JAK2: variants seen among roughly 807,000 people sequenced by gnomAD.
The protein encoded by JAK2 is Janus kinase 2.
In JAK2, 86 loss-of-function variants were observed where a neutral mutation model predicts 139.3. The observed-to-expected ratio is 0.62, with a 90% CI of 0.52 to 0.74. JAK2 has a LOEUF of 0.74. Ranked by LOEUF, JAK2 falls within the 30% of genes least tolerant of loss-of-function variation. JAK2 has a pLI of 0.00. For synonymous variants in JAK2, 490 were observed against 437.7 expected (o/e 1.12, Z -1.49); for missense variants, 1,421 against 1,360.3 (o/e 1.04, Z -0.70).
chr9:5,003,637 A>T (rs1821073564), intron 2 of JAK2, among the ~76,000 whole-genome samples: 1 of 152,084 alleles, frequency 6.6e-6, no homozygotes, highest in East Asian at 1.9e-4. Context: ...ATATACAGAC[A>T]TGTCCTCTAT....
chr9:5,005,083 A>ATTTTTTTT (rs527982744), intron 2 of JAK2, among the ~76,000 whole-genome samples: 1 of 40,034 alleles, frequency 2.5e-5, no homozygotes, highest in Non-Finnish European at 4.5e-5. Flanking sequence ...TGCCTGGCTA[A>ATTTTTTTT]TTTTTTTTTT....
intron 22 of JAK2, chr9:5,100,858 A>G (rs1198459635): frequency 6.6e-6 from 1 of 152,264 alleles, no homozygotes; most frequent in Non-Finnish European, 1.5e-5. Flanking sequence ...ATTTCATGTT[A>G]TTACTGGATC....
chr9:5,068,359 TA>T (rs1482015275), intron 10 of JAK2, among the ~76,000 whole-genome samples: 2 of 152,126 alleles, frequency 1.3e-5, no homozygotes, highest in East Asian at 3.8e-4. Flanking sequence ...TGCAAAATAT[TA>T]AAAATGTAAT....
chr9:4,989,200 C>G (rs1178519789), intron 2 of JAK2, among the ~76,000 whole-genome samples: 3 of 152,192 alleles, frequency 2.0e-5, no homozygotes, highest in Non-Finnish European at 2.9e-5. Flanking sequence ...CTAAGGATCT[C>G]TAGTCCTTAA....
At chr9:5,011,451 A>C (rs1349851179) in intron 2 of JAK2, among the ~76,000 whole-genome samples, 2 of 152,180 alleles carry the variant, frequency 1.3e-5, no homozygotes, top group African/African-American at 4.8e-5. Flanking sequence ...TGGCCTCCCA[A>C]AATGTTGGGA....
chr9:5,061,844 G>C (rs1369789847), intron 8 of JAK2, among the ~76,000 whole-genome samples: 3 of 152,028 alleles, frequency 2.0e-5, no homozygotes, highest in Admixed American at 2.0e-4. Flanking sequence ...TCTAGCTTTT[G>C]ATTTAAAGTG....
chr9:5,025,961 C>T (rs1822758016), intron 3 of JAK2, among the ~76,000 whole-genome samples: 1 of 152,208 alleles, frequency 6.6e-6, no homozygotes, highest in South Asian at 2.1e-4. Context: ...TCTTTGTCTT[C>T]ATAACTTATA....
chr9:5,080,975 A>G (rs1819656912), intron 18 of JAK2, among the ~76,000 whole-genome samples: 1 of 143,718 alleles, frequency 7.0e-6, no homozygotes, highest in Non-Finnish European at 1.5e-5. Flanking sequence ...GGCTCACTGC[A>G]AGCTCCACCT....
At chr9:5,007,610 C>G (rs964663715) in intron 2 of JAK2, among the ~76,000 whole-genome samples, 1 of 151,890 alleles carries the variant, frequency 6.6e-6, no homozygotes, top group Non-Finnish European at 1.5e-5. Context: ...ACTTAATATA[C>G]TTTTATTAGG....
At position 5,126,245 on chromosome 9, in the gene JAK2, A is replaced by C. The variant is rs10974971; in HGVS notation, c.3178-88A>C. 2.9e-4 allele frequency: 254 copies of C among 864,676 alleles called. No homozygotes were observed. In the African/African-American group the frequency reaches 3.7e-3, roughly 13 times the overall value. 53.6% of individuals were successfully genotyped at this position (864,676 alleles called of 1,614,324 possible). A position where few individuals can be genotyped will look rare whatever the true frequency, so the allele number is the denominator to read the frequency against. On this transcript the variant is annotated intron_variant, in intron 23 of 24. Coordinates refer to ENST00000381652, the MANE Select transcript of JAK2 (RefSeq NM_004972.4). ...AACATACAAAAGCACACATATACTA[A>C]ATTTTTTCCCATTGACTGGAGGAAA...
At position 5,090,816 on chromosome 9, in the gene JAK2, C is replaced by A. The variant is rs370131729; in HGVS notation, c.2964C>A (p.Asn988Lys). 1.9e-6 allele frequency: 3 copies of A among 1,613,266 alleles called. No individual in the cohort carries two copies. Among genetic ancestry groups the A allele is most frequent in the African/African-American group, 1.3e-5 (1 of 74,860 alleles). Residue 988 changes from asparagine to lysine, a missense_variant, in exon 22 of 25, where the codon AAC becomes AAA. By Grantham distance (94) the Asn-to-Lys change is moderately conservative (BLOSUM62 0). Transcript: ENST00000381652. ...ATRNILVENE[N>K]RVKIGDFGLT... ...GAAATATATTGGTGGAGAACGAGAACAGAGTTAAAATTGGAGATTTTGGGT... is the reference window on the plus strand; with the variant it reads ...GAAATATATTGGTGGAGAACGAGAAAAGAGTTAAAATTGGAGATTTTGGGT...
intron 10 of JAK2, among the ~76,000 whole-genome samples, 166 bp from the exon 11 acceptor site, chr9:5,068,856 C>T (rs773190834): frequency 6.6e-5 from 10 of 152,122 alleles, no homozygotes; most frequent in Non-Finnish European, 1.3e-4. Flanking sequence ...TTGTAAATTG[C>T]CCTTTTGAGG....
chr9:5,054,713 T>G lies in JAK2; in HGVS notation c.765T>G (p.Leu255=). The G allele has an allele frequency of 1.2e-6, 2 of 1,613,400 alleles. No homozygotes were observed. Among genetic ancestry groups the G allele is most frequent in the Non-Finnish European group, 1.7e-6 (2 of 1,179,458 alleles). ...CCAGAAACTTGAAACTTAAGTATCT[T>G]ATAAATCTGGAAACTCTGCAGTCTG... ...ATARNLKLKY[L]INLETLQSAF... is the part of the protein sequence containing the mutation. Residue 255 remains leucine, a synonymous_variant, in exon 7 of 25, where the codon CTT becomes CTG. Coordinates refer to ENST00000381652, the MANE Select transcript of JAK2 (RefSeq NM_004972.4). The surrounding 1 kb of genome is among the most constrained non-coding windows in gnomAD (Gnocchi z 4.9).
At chr9:5,029,203 ATTG>A (rs1226295078) in intron 3 of JAK2, among the ~76,000 whole-genome samples, 3 of 152,082 alleles carry the variant, frequency 2.0e-5, no homozygotes, top group African/African-American at 7.2e-5. Flanking sequence ...TAATTTCCAT[ATTG>A]TTGTGTCTCA....
intron 4 of JAK2, among the ~76,000 whole-genome samples, chr9:5,036,664 G>T (rs1425791375): frequency 6.6e-6 from 1 of 152,214 alleles, no homozygotes; most frequent in Non-Finnish European, 1.5e-5. Context: ...GCCATGTGTA[G>T]AAAGCTGAAA....
chr9:5,051,809 C>T (rs1817433048), intron 6 of JAK2, among the ~76,000 whole-genome samples: 1 of 152,108 alleles, frequency 6.6e-6, no homozygotes, highest in African/African-American at 2.4e-5. Context: ...AAAACAGTTA[C>T]ATACCCAATT....
In JAK2 at chr9:5,086,151, C is replaced by G. The variant is rs547038301; in HGVS notation, c.2572-3523C>G. ...GCGGCCCCGGCGGCCCCGCAAGGCT[C>G]GGGGAGCGGTCTCCACGCCGCCGGT... On this transcript the variant is annotated intron_variant, in intron 19 of 24. Coordinates refer to ENST00000381652, the MANE Select transcript of JAK2 (RefSeq NM_004972.4). 3.9e-4 allele frequency: 141 copies of G among 363,420 alleles called. No individual in the cohort carries two copies. The South Asian group carries it at 5.0e-3, about 13-fold the overall frequency. The allele number at this position is 363,420 out of a possible 1,614,324, so 22.5% of individuals were successfully genotyped here.
At chr9:5,062,500 T>TAAAAAAAAAAAAAAAAAAAAAAAAAAA (rs58424625) in intron 8 of JAK2, among the ~76,000 whole-genome samples, 4 of 58,248 alleles carry the variant, frequency 6.9e-5, no homozygotes, top group African/African-American at 2.1e-4. Flanking sequence ...CTTCCATTTG[T>TAAAAAAAAAAAAAAAAAAAAAAAAAAA]AAAAAAAAAA....
Position 5,090,758 on chromosome 9 carries a change from C to A in JAK2, c.2906C>A (p.Thr969Lys). Residue 969 changes from threonine to lysine, a missense_variant, in exon 22 of 25, where the codon ACA (threonine) becomes AAA (lysine). Coordinates refer to ENST00000381652, the MANE Select transcript of JAK2 (RefSeq NM_004972.4). ...CCATAGGGTATGGAGTATCTTGGTA[C>A]AAAAAGGTATATCCACAGGGATCTG... ...QICKGMEYLGTKRYIHRDLAT... is the reference protein window; with the variant it reads ...QICKGMEYLGKKRYIHRDLAT... 6.2e-7 allele frequency: 1 copy of A among 1,603,484 alleles called. No homozygotes were observed.
Sources: gnomAD v4.1 joint callset for allele counts (sites outside exome capture counted in the v4.1 genomes callset) on GRCh38, gnomAD v4.1.1 for gene constraint, Gnocchi (gnomAD v3.1) non-coding constraint, MANE v1.5 for transcripts, NCBI Gene and HGNC (gene_info 2026-07-23, HGNC 2026-07-21) for gene names.